Variants in AKR1C8 observed in about 807,000 individuals in gnomAD.
AKR1C8 encodes aldo-keto reductase family 1 member C-like protein 1.
At chr10:5,137,983 C>T in the AKR1C8 span, among the ~76,000 whole-genome samples, 1 of 151,958 alleles carries the variant, frequency 6.6e-6, no homozygotes, top group Non-Finnish European at 1.5e-5. Flanking sequence ...GGGAACAGGA[C>T]AAAGGGCAAA....
chr10:5,140,202 G>C, the AKR1C8 span, among the ~76,000 whole-genome samples: 595 of 152,274 alleles, frequency 3.9e-3, 4 homozygotes, highest in Non-Finnish European at 5.9e-3. Flanking sequence ...GTTGGTGGGA[G>C]TGTAAACTAG....
chr10:5,175,720 T>C, the AKR1C8 span, among the ~76,000 whole-genome samples: 1 of 152,252 alleles, frequency 6.6e-6, no homozygotes, highest in South Asian at 2.1e-4. Context: ...ATTTCTCTGA[T>C]GGCCAGTGAT....
the AKR1C8 span, among the ~76,000 whole-genome samples, chr10:5,183,139 A>T: frequency 6.6e-6 from 1 of 152,164 alleles, no homozygotes; most frequent in Non-Finnish European, 1.5e-5. Flanking sequence ...AACCCTACTT[A>T]TTCTTATGAA....
chr10:5,176,335 A>G, the AKR1C8 span, among the ~76,000 whole-genome samples: 351 of 137,570 alleles, frequency 2.6e-3, 7 homozygotes, highest in Middle Eastern at 7.0e-3. Context: ...CCACTGATCT[A>G]TATCTCTGTT....
the AKR1C8 span, among the ~76,000 whole-genome samples, chr10:5,144,757 A>G: frequency 6.6e-6 from 1 of 152,012 alleles, no homozygotes; most frequent in South Asian, 2.1e-4. Context: ...TTATCAGCTT[A>G]AGGAGATTTT....
chr10:5,117,873 TGA>T, the AKR1C8 span, among the ~76,000 whole-genome samples: 1 of 152,172 alleles, frequency 6.6e-6, no homozygotes, highest in Non-Finnish European at 1.5e-5. Context: ...AAGCCATTCA[TGA>T]GAGATCTGCC....
the AKR1C8 span, among the ~76,000 whole-genome samples, chr10:5,151,827 G>A: frequency 2.0e-5 from 3 of 152,106 alleles, no homozygotes; most frequent in Admixed American, 6.5e-5. Context: ...AAAGTGCTGG[G>A]ATTAAAGGCA....
chr10:5,175,115 C>A, the AKR1C8 span, among the ~76,000 whole-genome samples: 1 of 126,012 alleles, frequency 7.9e-6, no homozygotes, highest in Admixed American at 8.2e-5. Context: ...CTATCCCTCC[C>A]CCCTCCCCCC....
chr10:5,119,129 CATTTT>C, the AKR1C8 span, among the ~76,000 whole-genome samples: 2 of 152,190 alleles, frequency 1.3e-5, no homozygotes, highest in African/African-American at 4.8e-5. Flanking sequence ...AAGGCATTTA[CATTTT>C]ATTTCATTTT....
the AKR1C8 span, among the ~76,000 whole-genome samples, chr10:5,120,582 T>C: frequency 1.4e-4 from 21 of 152,152 alleles, no homozygotes; most frequent in Admixed American, 5.2e-4. Flanking sequence ...AGCTGTGATA[T>C]TGAATAGGGT....
the AKR1C8 span, among the ~76,000 whole-genome samples, chr10:5,168,735 G>A: frequency 2.6e-5 from 4 of 151,952 alleles, no homozygotes; most frequent in Non-Finnish European, 5.9e-5. Context: ...AGTAAAAAGG[G>A]GAAAGAGAAT....
At chr10:5,140,935 T>C in the AKR1C8 span, among the ~76,000 whole-genome samples, 1 of 152,142 alleles carries the variant, frequency 6.6e-6, no homozygotes, top group Non-Finnish European at 1.5e-5. Flanking sequence ...GGCAATTTCT[T>C]AAATAAAATA....
the AKR1C8 span, among the ~76,000 whole-genome samples, chr10:5,179,168 G>T: frequency 6.6e-6 from 1 of 152,112 alleles, no homozygotes; most frequent in Non-Finnish European, 1.5e-5. Context: ...TTTTAGGGCA[G>T]GCCTGGTGGT....
At chr10:5,181,536 C>G in the AKR1C8 span, among the ~76,000 whole-genome samples, 6 of 152,252 alleles carry the variant, frequency 3.9e-5, no homozygotes, top group South Asian at 1.2e-3. Context: ...TTAAATACTA[C>G]AGAAGGCCCC....
the AKR1C8 span, among the ~76,000 whole-genome samples, chr10:5,135,625 G>A: frequency 6.6e-6 from 1 of 151,886 alleles, no homozygotes; most frequent in Admixed American, 6.6e-5. Flanking sequence ...TAGATTTATA[G>A]AATGATTAAT....
the AKR1C8 span, among the ~76,000 whole-genome samples, chr10:5,152,810 C>T: frequency 3.9e-5 from 6 of 152,092 alleles, no homozygotes; most frequent in Admixed American, 3.3e-4. Flanking sequence ...ATTGGCCCTT[C>T]AGAGTGCAAA....
chr10:5,124,848 C>T, the AKR1C8 span, among the ~76,000 whole-genome samples: 1 of 152,154 alleles, frequency 6.6e-6, no homozygotes, highest in Non-Finnish European at 1.5e-5. Flanking sequence ...GTGGGGCAAT[C>T]TGTCATTTCA....
the AKR1C8 span, among the ~76,000 whole-genome samples, chr10:5,171,243 G>C: frequency 6.6e-6 from 1 of 150,896 alleles, no homozygotes; most frequent in Non-Finnish European, 1.5e-5. Context: ...TTTTGAAGAA[G>C]ACCAAAACAA....
chr10:5,120,261 C>A, the AKR1C8 span, among the ~76,000 whole-genome samples: 1 of 152,146 alleles, frequency 6.6e-6, no homozygotes, highest in Non-Finnish European at 1.5e-5. Context: ...GGCTTACTGT[C>A]GATAAATATG....
Sources: allele counts gnomAD v4.1 joint callset (sites outside exome capture counted in the v4.1 genomes callset), GRCh38; gene constraint gnomAD v4.1.1; transcripts MANE v1.5; gene names NCBI Gene and HGNC (gene_info 2026-07-23, HGNC 2026-07-21).